The following ST6GAL2 variants were observed in gnomAD, a reference collection of about 807,000 sequenced individuals.
The protein encoded by ST6GAL2 is beta-galactoside alpha-2,6-sialyltransferase 2.
Under a neutral mutation model 37.5 loss-of-function variants are expected in ST6GAL2, and 24 were observed. That is an observed-to-expected ratio of 0.64 (90% CI 0.46 to 0.90). ST6GAL2 has a LOEUF of 0.90. Ranked by LOEUF, ST6GAL2 falls within the 40% of genes least tolerant of loss-of-function variation. The pLI is 0.00. For synonymous variants in ST6GAL2, 306 were observed against 295.1 expected, an observed-to-expected ratio of 1.04 and a Z score of -0.38; for missense variants, 715 against 712.7, an observed-to-expected ratio of 1.00 and a Z score of -0.04.
intron 2 of ST6GAL2, among the ~76,000 whole-genome samples, chr2:106,837,992 C>T (rs563248648): frequency 5.3e-5 from 8 of 152,134 alleles, no homozygotes; most frequent in Non-Finnish European, 1.0e-4. Flanking sequence ...TATGAACAGC[C>T]ACTGTGAGCA....
At chr2:106,858,663 G>A (rs1422994352) in intron 1 of ST6GAL2, among the ~76,000 whole-genome samples, 1 of 152,248 alleles carries the variant, frequency 6.6e-6, no homozygotes, top group East Asian at 1.9e-4. Flanking sequence ...ACCAGCAAGC[G>A]TCTCCAAAGA....
At chr2:106,850,308 G>T (rs1474426424) in intron 1 of ST6GAL2, among the ~76,000 whole-genome samples, 1 of 152,176 alleles carries the variant, frequency 6.6e-6, no homozygotes, top group East Asian at 1.9e-4. Context: ...TGCTCTCTCT[G>T]CCCGCTGTGC....
chr2:106,875,245 AGCTCACT>A (rs1359233537), intron 1 of ST6GAL2, among the ~76,000 whole-genome samples: 1 of 146,484 alleles, frequency 6.8e-6, no homozygotes, highest in East Asian at 2.0e-4. Context: ...GTGTGATCTC[AGCTCACT>A]GCAACCTCCG....
chr2:106,806,962 C>A lies in ST6GAL2; in HGVS notation c.1319-13G>T. The A allele has an allele frequency of 1.9e-6, 3 of 1,598,374 alleles. No homozygotes were observed. The highest frequency in any genetic ancestry group is 1.7e-5 in the Admixed American group (1 of 58,856). On this transcript the variant is annotated splice_polypyrimidine_tract_variant and intron_variant, in intron 5 of 5. Transcript: ENST00000409382. The stretch of plus-strand genomic sequence containing the variant: ...ATTATGAGGATTCCTGACATGAAAA[C>A]CAAAAATTAGAACCTAATGAACAAC...
At chr2:106,836,944 C>CAAAAAAAAAAAAA (rs10700905) in intron 2 of ST6GAL2, among the ~76,000 whole-genome samples, 2 of 85,706 alleles carry the variant, frequency 2.3e-5, no homozygotes, top group African/African-American at 5.2e-5. Context: ...AATTCCATCT[C>CAAAAAAAAAAAAA]AAAAAAAAAA....
At chr2:106,862,477 T>C (rs1362197736) in intron 1 of ST6GAL2, among the ~76,000 whole-genome samples, 1 of 152,214 alleles carries the variant, frequency 6.6e-6, no homozygotes, top group Non-Finnish European at 1.5e-5. Context: ...CAAAAATCTA[T>C]ACCTAGAATT....
chr2:106,843,096 G>T lies in ST6GAL2; in HGVS notation c.882C>A (p.Arg294=). The T allele has an allele frequency of 6.6e-7, 1 of 1,524,788 alleles. No individual in the cohort carries two copies. The highest frequency in any genetic ancestry group is 8.8e-7 in the Non-Finnish European group (1 of 1,142,406). The allele number at this position is 1,524,788 out of a possible 1,614,324, so 94.5% of individuals were successfully genotyped here. ...PLSQLHPRGL[R]SCAVVMSAGA... ...CTGCAGACATGACGACAGCGCAGCT[G>T]CGCAGGCCGCGGGGGTGCAGCTGGC... is the stretch of plus-strand genomic sequence containing the variant. The change falls in exon 2 of 6, where the codon CGC becomes CGA. Residue 294 remains arginine, a synonymous_variant. Transcript: ENST00000409382.
chr2:106,863,712 A>G (rs1207679199), intron 1 of ST6GAL2, among the ~76,000 whole-genome samples: 2 of 152,206 alleles, frequency 1.3e-5, no homozygotes, highest in African/African-American at 4.8e-5. Context: ...TCCCAACTGT[A>G]AAATAAGAAG....
At chr2:106,850,121 T>G (rs1677297481) in intron 1 of ST6GAL2, among the ~76,000 whole-genome samples, 1 of 152,154 alleles carries the variant, frequency 6.6e-6, no homozygotes, top group African/African-American at 2.4e-5. Flanking sequence ...ATAGCCTCCA[T>G]TATATGAAAA....
At chr2:106,816,917 A>G (rs887122928) in intron 5 of ST6GAL2, among the ~76,000 whole-genome samples, 21 of 152,158 alleles carry the variant, frequency 1.4e-4, no homozygotes, top group African/African-American at 5.1e-4. Context: ...GGGGAGGGAA[A>G]GTGCAGTGAC....
intron 1 of ST6GAL2, among the ~76,000 whole-genome samples, chr2:106,879,794 TTA>T (rs1424571165): frequency 6.8e-6 from 1 of 147,722 alleles, no homozygotes; most frequent in Non-Finnish European, 1.5e-5. Flanking sequence ...TATAGATCAA[TTA>T]TATAGACAAA....
At chr2:106,860,011 G>A (rs1677734352) in intron 1 of ST6GAL2, among the ~76,000 whole-genome samples, 1 of 151,996 alleles carries the variant, frequency 6.6e-6, no homozygotes, top group South Asian at 2.1e-4. Flanking sequence ...AGCTCACACA[G>A]CTCCTGGCCA....
rs916986264 is a variant in ST6GAL2 at position 106,843,828 on chromosome 2, C to G, written c.150G>C (p.Arg50Ser). 4.3e-6 allele frequency: 7 copies of G among 1,611,896 alleles called. No homozygotes were observed. The highest frequency in any genetic ancestry group is 5.9e-6 in the Non-Finnish European group (7 of 1,179,338). ...GCTGCTTCCCCTGCACCGGCAGGAGCCTCCTGGTCTCCAGGAAGGAGAGGG... is the reference window on the plus strand; with the variant it reads ...GCTGCTTCCCCTGCACCGGCAGGAGGCTCCTGGTCTCCAGGAAGGAGAGGG... ...PSSLSFLETR[R>S]LLPVQGKQRA... Residue 50 changes from arginine (R) to serine (S), a missense_variant, in exon 2 of 6, where the codon AGG becomes AGC. Arg to Ser is a moderately radical substitution (Grantham distance 110). Coordinates refer to ENST00000409382, the MANE Select transcript of ST6GAL2 (RefSeq NM_001142351.2).
At chr2:106,823,486 C>CACACACACAGAG (rs755735360) in intron 5 of ST6GAL2, among the ~76,000 whole-genome samples, 1 of 117,890 alleles carries the variant, frequency 8.5e-6, no homozygotes, top group Non-Finnish European at 1.8e-5. Flanking sequence ...CACACACACA[C>CACACACACAGAG]AGAGAGAGAG....
chr2:106,826,684 A>G (rs1360032248), intron 5 of ST6GAL2, among the ~76,000 whole-genome samples: 2 of 152,252 alleles, frequency 1.3e-5, no homozygotes. Flanking sequence ...ACAATTCAAC[A>G]TGAGATCTAG....
intron 1 of ST6GAL2, among the ~76,000 whole-genome samples, chr2:106,869,648 G>A (rs768139480): frequency 1.3e-5 from 2 of 152,182 alleles, no homozygotes; most frequent in African/African-American, 4.8e-5. Flanking sequence ...GAACATGAAA[G>A]AACCCTGGGG....
At chr2:106,884,468 T>C (rs529161110) in intron 1 of ST6GAL2, among the ~76,000 whole-genome samples, 1 of 152,300 alleles carries the variant, frequency 6.6e-6, no homozygotes, top group South Asian at 2.1e-4. Flanking sequence ...GACCTCACTC[T>C]TTCCAGGAGT....
At position 106,805,751 on chromosome 2, in the gene ST6GAL2, G is replaced by C. The variant is rs750806350; in HGVS notation, c.*927C>G. ...AATCTTTCCTTCTAGTTTGGAAGGA[G>C]CAAGGTGTCTCCCGTCTTCCCCAGC... On this transcript the variant is annotated 3_prime_UTR_variant, in exon 6 of 6. Transcript: ENST00000409382. The C allele has an allele frequency of 4.6e-5, 7 of 152,236 alleles. No homozygotes were observed. Among genetic ancestry groups the C allele is most frequent in the Non-Finnish European group, 1.0e-4 (7 of 68,060 alleles). The allele number at this position is 152,236 out of a possible 1,614,324, so 9.4% of individuals were successfully genotyped here.
intron 3 of ST6GAL2, 61 bp downstream of exon 3, chr2:106,833,988 C>G (rs550762889): frequency 7.9e-7 from 1 of 1,263,122 alleles, no homozygotes; most frequent in South Asian, 1.2e-5. Context: ...ACTCATTTCT[C>G]TTCACTCATC....
Sources: allele counts gnomAD v4.1 joint callset (sites outside exome capture counted in the v4.1 genomes callset), GRCh38; gene constraint gnomAD v4.1.1; transcripts MANE v1.5; gene names NCBI Gene and HGNC (gene_info 2026-07-23, HGNC 2026-07-21).